Variants in CNBD1 observed in about 807,000 individuals in gnomAD.
CNBD1 encodes the protein cyclic nucleotide-binding domain-containing protein 1.
A neutral mutation model predicts 54.4 loss-of-function variants in CNBD1; 71 were observed. The ratio of observed to expected loss-of-function variants is 1.30; its 90% CI spans 1.08 to 1.59. The LOEUF is 1.59. Ranked by LOEUF, CNBD1 falls within the 40% of genes most tolerant of loss-of-function variation. The pLI, the probability that CNBD1 is intolerant of heterozygous loss-of-function variation, is 0.00. For missense variants in CNBD1, 659 were observed against 518.0 expected (o/e 1.27, Z -2.64); for synonymous variants, 182 against 170.7 (o/e 1.07, Z -0.51).
At chr8:86,871,681 G>A (rs1326516601) in intron 1 of CNBD1, among the ~76,000 whole-genome samples, 2 of 152,132 alleles carry the variant, frequency 1.3e-5, no homozygotes, top group African/African-American at 4.8e-5. Flanking sequence ...GATTTCAAAG[G>A]TTAAACATTC....
At chr8:87,198,746 T>C (rs1296092132) in intron 4 of CNBD1, among the ~76,000 whole-genome samples, 3 of 152,212 alleles carry the variant, frequency 2.0e-5, no homozygotes, top group Non-Finnish European at 4.4e-5. Flanking sequence ...TCTGTGGCTA[T>C]ACACTGCAGG....
chr8:87,187,000 T>C (rs559483805), intron 4 of CNBD1, among the ~76,000 whole-genome samples: 11 of 152,234 alleles, frequency 7.2e-5, no homozygotes, highest in African/African-American at 2.4e-4. Flanking sequence ...ATTCTTCAAG[T>C]ATCAATTTTT....
rs150915934 is a variant in CNBD1, at chr8:86,928,462, G to A, written c.273-11134G>A. Among the ~76,000 whole-genome samples, 608 of 152,188 alleles carry A rather than the reference G, an allele frequency of 4.0e-3. 5 individuals are homozygous for A. The highest frequency in any genetic ancestry group is 0.012 in the African/African-American group (514 of 41,504). On this transcript the variant is annotated intron_variant, in intron 3 of 10. Coordinates refer to ENST00000518476, the MANE Select transcript of CNBD1 (RefSeq NM_173538.3). Reference sequence around the variant, plus strand: ...GTGAAGGTTATATTGTATCCCTAGCGCCCTGGAAATTCCCTGAGTTACCAT... The same window carrying A: ...GTGAAGGTTATATTGTATCCCTAGCACCCTGGAAATTCCCTGAGTTACCAT...
intron 2 of CNBD1, among the ~76,000 whole-genome samples, chr8:87,416,884 C>T (rs1274136743): frequency 6.6e-6 from 1 of 151,982 alleles, no homozygotes; most frequent in Non-Finnish European, 1.5e-5. Context: ...TCTCAACAAA[C>T]TTAATTCTGC....
intron 4 of CNBD1, among the ~76,000 whole-genome samples, chr8:87,109,387 C>G (rs1051736634): frequency 1.3e-5 from 2 of 151,730 alleles, no homozygotes; most frequent in South Asian, 2.1e-4. Context: ...GGCTAAGATA[C>G]GGAAATAATA....
At chr8:87,365,222 C>T (rs1033688199) in intron 10 of CNBD1, among the ~76,000 whole-genome samples, 5 of 151,984 alleles carry the variant, frequency 3.3e-5, no homozygotes, top group African/African-American at 9.7e-5. Context: ...GAGATGACAT[C>T]TCATTTAGGT....
chr8:87,214,031 C>CT (rs562597376), intron 5 of CNBD1, among the ~76,000 whole-genome samples: 62 of 152,302 alleles, frequency 4.1e-4, no homozygotes, highest in South Asian at 2.9e-3. Flanking sequence ...TCCTTTAACT[C>CT]TATGTCTCAC....
intron 5 of CNBD1, among the ~76,000 whole-genome samples, chr8:87,209,349 C>T (rs1814044650): frequency 6.6e-6 from 1 of 151,930 alleles, no homozygotes; most frequent in Non-Finnish European, 1.5e-5. Context: ...GATACAAAAT[C>T]AACATACAAA....
At chr8:87,236,462 T>C (rs931566275) in intron 5 of CNBD1, among the ~76,000 whole-genome samples, 2 of 152,074 alleles carry the variant, frequency 1.3e-5, no homozygotes, top group African/African-American at 4.8e-5. Context: ...CTATAAGTGA[T>C]TGTCATCATG....
chr8:87,353,635 G>A lies in CNBD1; in HGVS notation c.1153-1G>A. The A allele has an allele frequency of 6.4e-7, 1 of 1,561,650 alleles. No individual in the cohort carries two copies. Among genetic ancestry groups the A allele is most frequent in the Admixed American group, 1.9e-5 (1 of 53,360 alleles). On this transcript the variant is annotated splice_acceptor_variant, in intron 9 of 10. Transcript: ENST00000518476. LOFTEE classifies it high-confidence loss of function. ...ACATCAATAATATATTTTTTTAACAGAAAAGATCTCAAAAACTTGTTTATA... is the reference window on the plus strand; with the variant it reads ...ACATCAATAATATATTTTTTTAACAAAAAAGATCTCAAAAACTTGTTTATA...
intron 2 of CNBD1, among the ~76,000 whole-genome samples, chr8:87,421,729 A>C (rs1175042858): frequency 2.0e-5 from 3 of 150,166 alleles, no homozygotes; most frequent in Non-Finnish European, 3.0e-5. Flanking sequence ...ATGCCACAAT[A>C]AACATACGTG....
chr8:87,281,141 A>G (rs1281537550), intron 6 of CNBD1, among the ~76,000 whole-genome samples: 1 of 151,652 alleles, frequency 6.6e-6, no homozygotes, highest in East Asian at 1.9e-4. Flanking sequence ...GCTGTATATC[A>G]TTTAGATATT....
At chr8:87,095,300 T>C (rs1811295178) in intron 4 of CNBD1, among the ~76,000 whole-genome samples, 1 of 152,258 alleles carries the variant, frequency 6.6e-6, no homozygotes, top group Non-Finnish European at 1.5e-5. Context: ...CTGGAAAACC[T>C]AGTGCTTTCT....
At chr8:87,379,376 C>A (rs576593785) in intron 10 of CNBD1, among the ~76,000 whole-genome samples, 12 of 151,776 alleles carry the variant, frequency 7.9e-5, no homozygotes, top group African/African-American at 2.7e-4. Flanking sequence ...CTGCACCAAG[C>A]GGACCTAGTA....
chr8:87,370,785 G>T (rs1250717094), intron 10 of CNBD1, among the ~76,000 whole-genome samples: 2 of 149,240 alleles, frequency 1.3e-5, no homozygotes, highest in African/African-American at 2.5e-5. Flanking sequence ...TGGTGTTTTA[G>T]ACATGAAGTC....
intron 2 of CNBD1, among the ~76,000 whole-genome samples, chr8:87,393,841 G>A (rs1039035524): frequency 6.6e-6 from 1 of 151,692 alleles, no homozygotes; most frequent in Non-Finnish European, 1.5e-5. Context: ...AAGAGAGACA[G>A]GTAATCAAAA....
intron 2 of CNBD1, among the ~76,000 whole-genome samples, chr8:86,891,214 T>C (rs982950039): frequency 6.6e-6 from 1 of 152,122 alleles, no homozygotes; most frequent in African/African-American, 2.4e-5. Flanking sequence ...AGCAGTTCTA[T>C]GTTTAAGTTT....
chr8:86,988,159 T>TTA (rs1421605748), intron 4 of CNBD1, among the ~76,000 whole-genome samples: 6 of 150,436 alleles, frequency 4.0e-5, no homozygotes, highest in South Asian at 2.1e-4. Flanking sequence ...TTTTTTTTTT[T>TTA]TTATTACTGA....
intron 8 of CNBD1, among the ~76,000 whole-genome samples, chr8:87,332,120 G>T (rs1461593269): frequency 6.6e-6 from 1 of 152,154 alleles, no homozygotes; most frequent in Non-Finnish European, 1.5e-5. Flanking sequence ...GTCTGAGGCA[G>T]GTGGATCGTT....
Sources: allele counts gnomAD v4.1 joint callset (sites outside exome capture counted in the v4.1 genomes callset), GRCh38; gene constraint gnomAD v4.1.1; transcripts MANE v1.5; gene names NCBI Gene and HGNC (gene_info 2026-07-23, HGNC 2026-07-21).